The following TMC1 variants were observed in gnomAD, a reference collection of about 807,000 sequenced individuals.
TMC1 encodes transmembrane channel-like protein 1.
A neutral mutation model predicts 105.8 loss-of-function variants in TMC1; 84 were observed. That is an observed-to-expected ratio of 0.79 (90% CI 0.67 to 0.95). TMC1 has a LOEUF of 0.95. TMC1 is among the 40% of genes least tolerant of loss of function. TMC1 has a pLI of 0.00. For synonymous variants in TMC1, 315 were observed against 311.5 expected (o/e 1.01, Z -0.12); for missense variants, 817 against 914.1 (o/e 0.89, Z 1.37).
intron 8 of TMC1, among the ~76,000 whole-genome samples, chr9:72,701,289 T>C (rs565453733): frequency 3.2e-4 from 49 of 152,214 alleles, no homozygotes; most frequent in Non-Finnish European, 5.9e-4. Flanking sequence ...CTTATGTTGA[T>C]GCTAATGTGG....
At chr9:72,603,846 C>CTGT (rs1564438583) in intron 2 of TMC1, among the ~76,000 whole-genome samples, 1 of 112,280 alleles carries the variant, frequency 8.9e-6, no homozygotes, top group Non-Finnish European at 1.7e-5. Flanking sequence ...CTGCGACCGG[C>CTGT]TGTTTTTTTT....
intron 1 of TMC1, among the ~76,000 whole-genome samples, chr9:72,567,440 C>A: frequency 6.6e-6 from 1 of 152,058 alleles, no homozygotes; most frequent in East Asian, 1.9e-4. Context: ...AAGAAATATC[C>A]AAGACTGGGT....
At chr9:72,794,360 AG>A (rs1320997549) in intron 17 of TMC1, among the ~76,000 whole-genome samples, 4 of 151,650 alleles carry the variant, frequency 2.6e-5, no homozygotes, top group African/African-American at 4.8e-5. Context: ...CAAGGGGGAA[AG>A]AAATCTACAC....
intron 5 of TMC1, among the ~76,000 whole-genome samples, chr9:72,678,913 A>G (rs771329900): frequency 3.9e-5 from 6 of 152,046 alleles, no homozygotes; most frequent in Admixed American, 2.0e-4. Context: ...TGTTACCTTT[A>G]GTGTCTATGC....
chr9:72,710,971 T>C (rs1285155169), intron 8 of TMC1, among the ~76,000 whole-genome samples: 19 of 152,096 alleles, frequency 1.2e-4, no homozygotes, highest in Admixed American at 1.2e-3. Context: ...TGTGTGTACA[T>C]GTGTTCTCAT....
intron 2 of TMC1, among the ~76,000 whole-genome samples, chr9:72,582,497 A>G (rs1249468276): frequency 6.6e-6 from 1 of 152,168 alleles, no homozygotes; most frequent in Non-Finnish European, 1.5e-5. Flanking sequence ...GAGCAGATCT[A>G]CTTCTCAAAG....
intron 1 of TMC1, among the ~76,000 whole-genome samples, chr9:72,530,422 T>C (rs7047243): frequency 0.53 from 80,449 of 151,684 alleles, 22,541 homozygotes; most frequent in African/African-American, 0.73. Context: ...GTGATCCACC[T>C]GCCTCAGCCT....
At chr9:72,592,608 T>C (rs1405871210) in intron 2 of TMC1, among the ~76,000 whole-genome samples, 1 of 152,206 alleles carries the variant, frequency 6.6e-6, no homozygotes, top group Admixed American at 6.5e-5. Flanking sequence ...TGTGCGTGTT[T>C]CCTTCTGAAG....
intron 19 of TMC1, chr9:72,818,804 G>T (rs1359884146): frequency 6.6e-6 from 1 of 152,148 alleles, no homozygotes; most frequent in Non-Finnish European, 1.5e-5. Context: ...GATAGGATGA[G>T]CATTAACATT....
intron 1 of TMC1, among the ~76,000 whole-genome samples, chr9:72,572,167 C>A (rs1824298430): frequency 6.6e-6 from 1 of 151,522 alleles, no homozygotes; most frequent in African/African-American, 2.4e-5. Context: ...TTTTATGATA[C>A]ACAATTTGTC....
intron 2 of TMC1, chr9:72,607,927 T>TA (rs1401674946): frequency 2.6e-5 from 4 of 152,226 alleles, no homozygotes; most frequent in African/African-American, 4.8e-5. Context: ...TGGTACCAGG[T>TA]AATGAAATCA....
intron 5 of TMC1, among the ~76,000 whole-genome samples, chr9:72,688,191 A>C (rs1221962233): frequency 6.6e-6 from 1 of 152,126 alleles, no homozygotes; most frequent in East Asian, 1.9e-4. Flanking sequence ...ATACGTATAA[A>C]AATAATTGAA....
chr9:72,645,956 A>G (rs1825705000), intron 4 of TMC1, among the ~76,000 whole-genome samples: 1 of 152,194 alleles, frequency 6.6e-6, no homozygotes, highest in Non-Finnish European at 1.5e-5. Flanking sequence ...TGGAGCTTAT[A>G]TTGAGAAATA....
At chr9:72,607,786 GA>G (rs1028000461) in intron 2 of TMC1, 104 of 146,338 alleles carry the variant, frequency 7.1e-4, no homozygotes, top group Admixed American at 2.6e-3. Flanking sequence ...TCTCTACAAA[GA>G]AAAAAAAAAG....
At chr9:72,791,198 TC>T (rs1255810552) in intron 15 of TMC1, among the ~76,000 whole-genome samples, 1 of 151,754 alleles carries the variant, frequency 6.6e-6, no homozygotes, top group Non-Finnish European at 1.5e-5. Flanking sequence ...TCTTTCTCTC[TC>T]CCCCCTCTCC....
intron 18 of TMC1, among the ~76,000 whole-genome samples, chr9:72,815,844 A>T (rs1828778529): frequency 6.6e-6 from 1 of 152,184 alleles, no homozygotes; most frequent in African/African-American, 2.4e-5. Flanking sequence ...TGTACTGTCA[A>T]ATTGTTTTTC....
In TMC1 at chr9:72,650,921, T is replaced by G. The variant is rs565228909; in HGVS notation, c.16+2257T>G. 2.3e-3 allele frequency among the ~76,000 whole-genome samples: 335 copies of G among 143,370 alleles called. 1 individual carries two copies. Among genetic ancestry groups the G allele is most frequent in the Non-Finnish European group, 3.9e-3 (260 of 66,030 alleles). The allele number at this position is 143,370 out of a possible 152,430, so 94.1% of individuals were successfully genotyped here. The stretch of plus-strand genomic sequence containing the variant: ...ATATATAAATATATATAGATATATA[T>G]ATAAATATATATAGGTATATATATG... On this transcript the variant is annotated intron_variant, in intron 5 of 23. Transcript: ENST00000297784.
At chr9:72,564,898 C>T (rs943088040) in intron 1 of TMC1, among the ~76,000 whole-genome samples, 2 of 152,176 alleles carry the variant, frequency 1.3e-5, no homozygotes, top group East Asian at 3.8e-4. Flanking sequence ...TAATGATTAC[C>T]TCAAATGATT....
chr9:72,529,840 A>C (rs1341259378), intron 1 of TMC1, among the ~76,000 whole-genome samples: 1 of 152,166 alleles, frequency 6.6e-6, no homozygotes, highest in Non-Finnish European at 1.5e-5. Context: ...ACCTGCAGCT[A>C]GATAAAAATT....
Sources: allele counts gnomAD v4.1 joint callset (sites outside exome capture counted in the v4.1 genomes callset), GRCh38; gene constraint gnomAD v4.1.1; transcripts MANE v1.5; gene names NCBI Gene and HGNC (gene_info 2026-07-23, HGNC 2026-07-21).